Variants in OR2L2 observed in about 807,000 individuals in gnomAD.
The protein encoded by OR2L2 is olfactory receptor family 2 subfamily L member 2.
For missense variants in OR2L2, 378 were observed against 375.2 expected (o/e 1.01, Z -0.06); for synonymous variants, 156 against 135.4 (o/e 1.15, Z -1.06).
At position 248,038,337 on chromosome 1, in the gene OR2L2, C is replaced by A; in HGVS notation, c.70C>A (p.Leu24Ile). Residue 24 changes from leucine to isoleucine, a missense_variant, in exon 3 of 3, where the codon CTT (leucine) becomes ATT (isoleucine). Transcript: ENST00000641771. ...LGLFPQSRIG[L>I]FVFTLIFLIF... ...GCTGTTCCCACAATCAAGAATTGGCCTTTTCGTATTCACCCTCATTTTTCT... is the reference window on the plus strand; with the variant it reads ...GCTGTTCCCACAATCAAGAATTGGCATTTTCGTATTCACCCTCATTTTTCT... 2 of 1,613,544 alleles carry A rather than the reference C, an allele frequency of 1.2e-6. No homozygotes were observed. Among genetic ancestry groups the A allele is most frequent in the Non-Finnish European group, 1.7e-6 (2 of 1,179,560 alleles).
Position 248,038,981 on chromosome 1 carries a change from A to C in OR2L2, c.714A>C (p.Ser238=). Residue 238 remains serine (S), a synonymous_variant, in exon 3 of 3, where the codon TCA becomes TCC. Coordinates refer to ENST00000641771, the MANE Select transcript of OR2L2 (RefSeq NM_001385855.1). ...CAGAAGGGAGGAAGAAGGCCTATTC[A>C]ACCTGTAGCACCCACCTCACTGTAG... ...HSAEGRKKAY[S]TCSTHLTVVS... 6.2e-7 allele frequency: 1 copy of C among 1,613,956 alleles called. No homozygotes were observed. The highest frequency in any genetic ancestry group is 2.2e-5 in the East Asian group (1 of 44,874).
intron 1 of OR2L2, among the ~76,000 whole-genome samples, chr1:248,031,199 T>C (rs753369599): frequency 2.0e-5 from 3 of 152,176 alleles, no homozygotes; most frequent in East Asian, 1.9e-4. Flanking sequence ...GAAACAGATA[T>C]ATAATGGCTG....
chr1:248,038,043 T>G, intron 2 of OR2L2: 3 of 415,950 alleles, frequency 7.2e-6, no homozygotes, highest in South Asian at 8.7e-5. Context: ...AATTGTTCTA[T>G]TTTATTTGTA....
chr1:248,038,424 C>T lies in OR2L2; in HGVS notation c.157C>T (p.His53Tyr), dbSNP rs1473541077. The T allele has an allele frequency of 2.5e-6, 4 of 1,613,626 alleles. No individual in the cohort carries two copies. Among genetic ancestry groups the T allele is most frequent in the Non-Finnish European group, 3.4e-6 (4 of 1,179,718 alleles). The change falls in exon 3 of 3, where the codon CAT becomes TAT. Residue 53 changes from histidine (H) to tyrosine (Y), a missense_variant. Coordinates refer to ENST00000641771, the MANE Select transcript of OR2L2 (RefSeq NM_001385855.1). ...SMILLIFLDI[H>Y]LHTPMYFLLS... ...GATTCTTCTCATCTTTTTGGACATC[C>T]ATCTCCACACACCTATGTATTTCCT...
intron 1 of OR2L2, among the ~76,000 whole-genome samples, chr1:248,033,602 A>G (rs1437889183): frequency 1.0e-4 from 6 of 58,940 alleles, no homozygotes; most frequent in African/African-American, 3.0e-4. Context: ...ACACCTGGCT[A>G]ATTTTTGTTT....
Position 248,041,128 on chromosome 1 carries a change from C to A in OR2L2, c.*1922C>A, listed in dbSNP as rs539203296. On this transcript the variant is annotated 3_prime_UTR_variant, in exon 3 of 3. Coordinates refer to ENST00000641771, the MANE Select transcript of OR2L2 (RefSeq NM_001385855.1). ...GATTTACCTAATCTCACATAAATAA[C>A]CAAAACAGCATGGTACTGGTACCAA... 6.6e-6 allele frequency: 1 copy of A among 152,202 alleles called. No individual in the cohort carries two copies. The highest frequency in any genetic ancestry group is 2.1e-4 in the South Asian group (1 of 4,818). 9.4% of individuals were successfully genotyped at this position (152,202 alleles called of 1,614,324 possible). A position where few individuals can be genotyped will look rare whatever the true frequency, so the allele number is the denominator to read the frequency against.
intron 1 of OR2L2, among the ~76,000 whole-genome samples, chr1:248,034,284 T>G (rs1007937907): frequency 1.4e-4 from 22 of 152,126 alleles, no homozygotes; most frequent in Non-Finnish European, 4.4e-5. Flanking sequence ...CCACCATCAT[T>G]CTTCACAGAC....
chr1:248,033,880 CA>C (rs1353329713), intron 1 of OR2L2, among the ~76,000 whole-genome samples: 1 of 152,122 alleles, frequency 6.6e-6, no homozygotes, highest in Non-Finnish European at 1.5e-5. Context: ...GTCCTAGCCA[CA>C]GCAGTCAGAA....
In OR2L2 at chr1:248,038,317, T is replaced by A. The variant is rs1453930817; in HGVS notation, c.50T>A (p.Phe17Tyr). 6.2e-7 allele frequency: 1 copy of A among 1,613,550 alleles called. No homozygotes were observed. Residue 17 changes from phenylalanine to tyrosine, a missense_variant, in exon 3 of 3, where the codon TTC becomes TAC. Transcript: ENST00000641771. The part of the protein sequence containing the change: ...TSTDFILLGL[F>Y]PQSRIGLFVF... ...ACTGATTTCATCTTATTGGGGCTGT[T>A]CCCACAATCAAGAATTGGCCTTTTC...
rs1015500655 is a variant in OR2L2 at position 248,039,909 on chromosome 1, A to G, written c.*703A>G. 1 of 152,200 alleles carries G rather than the reference A, an allele frequency of 6.6e-6. No homozygotes were observed. Among genetic ancestry groups the G allele is most frequent in the Non-Finnish European group, 1.5e-5 (1 of 68,036 alleles). The allele number at this position is 152,200 out of a possible 1,614,324, so 9.4% of individuals were successfully genotyped here. A position where few individuals can be genotyped will look rare whatever the true frequency, so the allele number is the denominator to read the frequency against. On this transcript the variant is annotated 3_prime_UTR_variant, in exon 3 of 3. Coordinates refer to ENST00000641771, the MANE Select transcript of OR2L2 (RefSeq NM_001385855.1). ...AATAATTATGTTTGTGGAGCAGCCA[A>G]TTTGGCTTTAGAAAAACAAGAGTTT...
chr1:248,036,379 T>C (rs1198348209), intron 2 of OR2L2, among the ~76,000 whole-genome samples: 1 of 152,222 alleles, frequency 6.6e-6, no homozygotes, highest in Non-Finnish European at 1.5e-5. Flanking sequence ...TAGCTAATGA[T>C]ATTTATTTGG....
chr1:248,036,846 A>T (rs1662776513), intron 2 of OR2L2, among the ~76,000 whole-genome samples: 1 of 152,186 alleles, frequency 6.6e-6, no homozygotes, highest in Non-Finnish European at 1.5e-5. Context: ...CCTAATGCTT[A>T]GATTACATTA....
Position 248,039,202 on chromosome 1 carries a change from T to C in OR2L2, c.935T>C (p.Met312Thr), listed in dbSNP as rs768181176. ...QVIQKIFSVK[M>T] ...ATTCAGAAAATCTTCTCAGTGAAAA[T>C]GTAGACATACGTTCTGTGTTAGAGT... Residue 312 changes from methionine (M) to threonine (T), a missense_variant, in exon 3 of 3, where the codon ATG (methionine) becomes ACG (threonine). Met to Thr is a moderately conservative substitution (Grantham distance 81, BLOSUM62 -1). Transcript: ENST00000641771. 3 of 1,605,408 alleles carry C rather than the reference T, an allele frequency of 1.9e-6. No individual in the cohort carries two copies. The highest frequency in any genetic ancestry group is 1.7e-5 in the Admixed American group (1 of 59,562).
intron 1 of OR2L2, among the ~76,000 whole-genome samples, chr1:248,030,859 C>T (rs1430909774): frequency 1.3e-5 from 2 of 152,104 alleles, no homozygotes; most frequent in African/African-American, 4.8e-5. Flanking sequence ...AAAGTTCATG[C>T]TGGTATCATT....
intron 1 of OR2L2, among the ~76,000 whole-genome samples, chr1:248,033,612 T>G (rs1206138529): frequency 2.3e-4 from 30 of 131,708 alleles, no homozygotes; most frequent in African/African-American, 5.6e-4. Context: ...AATTTTTGTT[T>G]TTTTTTTTTT....
rs145697759 is a variant in OR2L2, at chr1:248,033,493, G to A, written c.-96-2057G>A. 3.1e-3 allele frequency among the ~76,000 whole-genome samples: 468 copies of A among 151,942 alleles called. 3 individuals carry two copies. The highest frequency in any genetic ancestry group is 0.011 in the African/African-American group (456 of 41,418). ...ACTCTGTCACACAGGTTGGAATGTG[G>A]TGGTGTGATCTTGGCTCACTGCAAC... is the stretch of plus-strand genomic sequence containing the variant. On this transcript the variant is annotated intron_variant, in intron 1 of 2. Coordinates refer to ENST00000641771, the MANE Select transcript of OR2L2 (RefSeq NM_001385855.1).
In OR2L2 at chr1:248,040,226, A is replaced by G. The variant is rs1221400331; in HGVS notation, c.*1020A>G. 6.6e-6 allele frequency: 1 copy of G among 152,206 alleles called. No individual in the cohort carries two copies. Among genetic ancestry groups the G allele is most frequent in the African/African-American group, 2.4e-5 (1 of 41,440 alleles). The allele number at this position is 152,206 out of a possible 1,614,324, so 9.4% of individuals were successfully genotyped here. ...TAGGCATGTGCTTAAAAGGATCAAC[A>G]TTATTTCATAAAGGTTATCTGCTTA... On this transcript the variant is annotated 3_prime_UTR_variant, in exon 3 of 3. Coordinates refer to ENST00000641771, the MANE Select transcript of OR2L2 (RefSeq NM_001385855.1).
At chr1:248,033,282 C>T (rs1348116075) in intron 1 of OR2L2, among the ~76,000 whole-genome samples, 2 of 152,082 alleles carry the variant, frequency 1.3e-5, no homozygotes, top group Non-Finnish European at 1.5e-5. Context: ...CATCCAATTT[C>T]AATATTTTGA....
At chr1:248,035,385 C>G (rs1284084400) in intron 1 of OR2L2, among the ~76,000 whole-genome samples, 165 bp from the exon 2 acceptor site, 1 of 151,802 alleles carries the variant, frequency 6.6e-6, no homozygotes, top group African/African-American at 2.4e-5. Context: ...GGAGGCGGAG[C>G]TTGCAGTGAG....
Sources: gnomAD v4.1 joint callset for allele counts (sites outside exome capture counted in the v4.1 genomes callset) on GRCh38, gnomAD v4.1.1 for gene constraint, MANE v1.5 for transcripts, NCBI Gene and HGNC (gene_info 2026-07-23, HGNC 2026-07-21) for gene names.